SSU72: variants seen among roughly 807,000 people sequenced by gnomAD.
The protein encoded by SSU72 is RNA polymerase II subunit A C-terminal domain phosphatase SSU72.
SSU72 carries 12 observed loss-of-function variants against 22.7 expected under a neutral mutation model. The ratio of observed to expected loss-of-function variants is 0.53; its 90% CI spans 0.34 to 0.86. The LOEUF is 0.86. Among genes scored for constraint, SSU72 ranks in the 40% least tolerant of loss-of-function variants. SSU72 has a pLI of 0.02. For synonymous variants in SSU72, 116 were observed against 98.3 expected (o/e 1.18, Z -1.06); for missense variants, 151 against 249.8 (o/e 0.60, Z 2.67).
chr1:1,574,245 G>A (rs1642777457), intron 1 of SSU72, among the ~76,000 whole-genome samples: 1 of 152,012 alleles, frequency 6.6e-6, no homozygotes, highest in Non-Finnish European at 1.5e-5. Flanking sequence ...CGGAGAGCTC[G>A]AAGGACCACC....
At chr1:1,574,329 GT>G (rs2100727208) in intron 1 of SSU72, 148 bp downstream of exon 1, 1 of 772,708 alleles carries the variant, frequency 1.3e-6, no homozygotes. Flanking sequence ...GCGCGCTGCC[GT>G]CCAGCTGCCA....
intron 1 of SSU72, among the ~76,000 whole-genome samples, chr1:1,570,719 C>G (rs1642718095): frequency 6.6e-6 from 1 of 152,252 alleles, no homozygotes; most frequent in Non-Finnish European, 1.5e-5. Flanking sequence ...GACAACAGAA[C>G]AAGAGCTTAT....
chr1:1,567,347 G>A (rs558169155), intron 1 of SSU72, among the ~76,000 whole-genome samples: 4 of 152,242 alleles, frequency 2.6e-5, no homozygotes, highest in Non-Finnish European at 5.9e-5. Context: ...TACACAACCC[G>A]GCTCTCCAAA....
intron 2 of SSU72, among the ~76,000 whole-genome samples, chr1:1,557,507 T>C (rs866042060): frequency 9.4e-4 from 143 of 152,226 alleles, no homozygotes; most frequent in Admixed American, 1.2e-3. Context: ...TATATATATA[T>C]ATGGGGCCGG....
At chr1:1,559,868 G>A (rs1642565890) in intron 2 of SSU72, among the ~76,000 whole-genome samples, 3 of 152,080 alleles carry the variant, frequency 2.0e-5, no homozygotes, top group African/African-American at 7.2e-5. Context: ...CTAGGATCAG[G>A]CATGCACCAC....
chr1:1,567,304 G>A (rs886928010), intron 1 of SSU72, among the ~76,000 whole-genome samples: 2 of 152,164 alleles, frequency 1.3e-5, no homozygotes, highest in Non-Finnish European at 2.9e-5. Flanking sequence ...GATGACAGCT[G>A]CGTCAGTCCT....
intron 1 of SSU72, among the ~76,000 whole-genome samples, chr1:1,571,139 G>A (rs1301655619): frequency 6.6e-6 from 1 of 151,452 alleles, no homozygotes; most frequent in Non-Finnish European, 1.5e-5. Context: ...CAGTTACTCA[G>A]GAGGCTGAGG....
In SSU72 at chr1:1,554,488, C is replaced by G. The variant is rs1006852723; in HGVS notation, c.225-9486G>C. On this transcript the variant is annotated intron_variant, in intron 2 of 4. Transcript: ENST00000291386. The surrounding 1 kb of genome is among the most constrained non-coding windows in gnomAD (Gnocchi z 4.1). Reference sequence around the variant, plus strand: ...CAGGGCCCCAAGGTGCCAGGACATACCAGGAAACGCCCCAAACACAGCTCG... The same window carrying G: ...CAGGGCCCCAAGGTGCCAGGACATAGCAGGAAACGCCCCAAACACAGCTCG... 6.6e-6 allele frequency among the ~76,000 whole-genome samples: 1 copy of G among 152,196 alleles called. No individual in the cohort carries two copies. Among genetic ancestry groups the G allele is most frequent in the East Asian group, 1.9e-4 (1 of 5,188 alleles).
rs1003153995 is a variant in SSU72 at position 1,574,694 on chromosome 1, C to T, written c.-137G>A. 12 of 841,740 alleles carry T rather than the reference C, an allele frequency of 1.4e-5. No individual in the cohort carries two copies. The African/African-American group carries it at 1.8e-4, about 13-fold the overall frequency. The allele number at this position is 841,740 out of a possible 1,614,324, so 52.1% of individuals were successfully genotyped here. A position where few individuals can be genotyped will look rare whatever the true frequency, so the allele number is the denominator to read the frequency against. On this transcript the variant is annotated 5_prime_UTR_variant, in exon 1 of 5. Coordinates refer to ENST00000291386, the MANE Select transcript of SSU72 (RefSeq NM_014188.3). ...ACGGCGCCGGCGGTGTAGCGTGCGG[C>T]GACTGCGCGGCGGCCTCCCCGCCCA...
intron 2 of SSU72, chr1:1,561,610 T>A (rs1286528863): frequency 2.0e-5 from 3 of 152,282 alleles, no homozygotes; most frequent in Admixed American, 2.0e-4. Flanking sequence ...CCTCCCGACC[T>A]GCACATCTCA....
chr1:1,572,519 T>C (rs1642743692), intron 1 of SSU72, among the ~76,000 whole-genome samples: 1 of 150,402 alleles, frequency 6.6e-6, no homozygotes, highest in African/African-American at 2.4e-5. Flanking sequence ...TGCAGTGGCA[T>C]GATCTCGGCT....
At chr1:1,566,202 T>A (rs1426200555) in intron 1 of SSU72, among the ~76,000 whole-genome samples, 1 of 152,134 alleles carries the variant, frequency 6.6e-6, no homozygotes, top group Non-Finnish European at 1.5e-5. Flanking sequence ...CAGGCACAAG[T>A]TGCAGACATT....
rs1432039956 is a variant in SSU72 at position 1,542,259 on chromosome 1, G to C, written c.484-92C>G. 1.6e-6 allele frequency: 2 copies of C among 1,275,800 alleles called. No individual in the cohort carries two copies. The highest frequency in any genetic ancestry group is 4.0e-5 in the Admixed American group (2 of 49,496). The allele number at this position is 1,275,800 out of a possible 1,614,324, so 79.0% of individuals were successfully genotyped here. On this transcript the variant is annotated intron_variant, in intron 4 of 4. Coordinates refer to ENST00000291386, the MANE Select transcript of SSU72 (RefSeq NM_014188.3). The surrounding 1 kb of genome is among the most constrained non-coding windows in gnomAD (Gnocchi z 4.4). ...ATCGCCAGGGAAACGCCAGGCCTGAGCCAGCAGAAACCAGCGCAGCAGGCA... is the reference window on the plus strand; with the variant it reads ...ATCGCCAGGGAAACGCCAGGCCTGACCCAGCAGAAACCAGCGCAGCAGGCA...
Position 1,574,401 on chromosome 1 carries a change from G to C in SSU72, c.80+77C>G, listed in dbSNP as rs577215231. 213 of 1,473,518 alleles carry C rather than the reference G, an allele frequency of 1.4e-4. 1 individual carries two copies. In the African/African-American group the frequency reaches 2.8e-3, roughly 19 times the overall value. The allele number at this position is 1,473,518 out of a possible 1,614,324, so 91.3% of individuals were successfully genotyped here. ...GGCTTCCTCTCAGGGGTCCTGGCGC[G>C]GGCCAGGGGGAACCGGGGAGGAGGG... is the stretch of plus-strand genomic sequence containing the variant. On this transcript the variant is annotated intron_variant, in intron 1 of 4. Coordinates refer to ENST00000291386, the MANE Select transcript of SSU72 (RefSeq NM_014188.3).
At chr1:1,566,804 A>T (rs1642667486) in intron 1 of SSU72, among the ~76,000 whole-genome samples, 1 of 151,864 alleles carries the variant, frequency 6.6e-6, no homozygotes, top group South Asian at 2.1e-4. Context: ...CAGTGAGCTG[A>T]GATCGCGCCA....
chr1:1,573,153 T>C (rs549392772), intron 1 of SSU72, among the ~76,000 whole-genome samples: 12 of 150,740 alleles, frequency 8.0e-5, no homozygotes, highest in African/African-American at 1.7e-4. Flanking sequence ...CCGGGCGCAG[T>C]GGCTCACGCC....
intron 1 of SSU72, among the ~76,000 whole-genome samples, chr1:1,573,452 A>G (rs1034297986): frequency 6.7e-6 from 1 of 149,776 alleles, no homozygotes; most frequent in African/African-American, 2.5e-5. Flanking sequence ...AAAAAAAAAA[A>G]AAAAGAAAGA....
intron 2 of SSU72, among the ~76,000 whole-genome samples, chr1:1,547,449 C>T (rs542594623): frequency 2.0e-5 from 3 of 152,364 alleles, no homozygotes; most frequent in Non-Finnish European, 2.9e-5. Flanking sequence ...CAAGGATGAG[C>T]GAGCAGCCAC....
chr1:1,567,888 G>T (rs1482561638), intron 1 of SSU72, among the ~76,000 whole-genome samples: 1 of 138,912 alleles, frequency 7.2e-6, no homozygotes, highest in Non-Finnish European at 1.5e-5. Context: ...ACTCCAGCCT[G>T]GGAAACAGAG....
Sources: allele counts gnomAD v4.1 joint callset (sites outside exome capture counted in the v4.1 genomes callset), GRCh38; gene constraint gnomAD v4.1.1; non-coding constraint Gnocchi (gnomAD v3.1); transcripts MANE v1.5; gene names NCBI Gene and HGNC (gene_info 2026-07-23, HGNC 2026-07-21).